The following DYSF variants were observed in gnomAD, a reference collection of about 807,000 sequenced individuals.
DYSF encodes dystrophy-associated fer-1-like 1.
A neutral mutation model predicts 274.9 loss-of-function variants in DYSF; 212 were observed. The observed-to-expected ratio is 0.77, with a 90% CI of 0.69 to 0.86. The LOEUF (loss-of-function observed/expected upper bound fraction) is 0.86, where lower values mean the gene tolerates loss of function less well. Ranked by LOEUF, DYSF falls within the 40% of genes least tolerant of loss-of-function variation. DYSF has a pLI of 0.00. For missense variants in DYSF, 2,666 were observed against 2,783.2 expected (o/e 0.96, Z 0.95); for synonymous variants, 1,091 against 1,078.7 (o/e 1.01, Z -0.22).
At position 71,551,698 on chromosome 2, in the gene DYSF, C is replaced by T. The variant is rs201515915; in HGVS notation, c.1784C>T (p.Ala595Val). The T allele has an allele frequency of 1.8e-4, 285 of 1,609,122 alleles. No individual in the cohort carries two copies. The highest frequency in any genetic ancestry group is 3.9e-4 in the African/African-American group (29 of 74,946). ...GAACAGAAGGTGGAGGACCTTCCTG[C>T]GGATGACATCCTCCGGGTGGAGGTG... ...HSEQKVEDLP[A>V]DDILRVEKYL... Residue 595 changes from alanine (A) to valine (V), a missense_variant, in exon 19 of 56, where the codon GCG becomes GTG. Physicochemically the swap from Ala to Val is moderately conservative, Grantham distance 64. Transcript: ENST00000410020.
chr2:71,670,139 C>G (rs2095094003), intron 51 of DYSF, among the ~76,000 whole-genome samples: 1 of 152,214 alleles, frequency 6.6e-6, no homozygotes, highest in Non-Finnish European at 1.5e-5. Context: ...GCATCCACCC[C>G]TTTTCCACTC....
Position 71,505,091 on chromosome 2 carries a change from G to A in DYSF, c.345+1772G>A, listed in dbSNP as rs1309187843. On this transcript the variant is annotated intron_variant, in intron 4 of 55. Transcript: ENST00000410020. Reference sequence around the variant, plus strand: ...GAGCACAGGCTGGAAATGGAGTTGGGGAGCCTCCTCCCTGTTGCCCAGGAG... The same window carrying A: ...GAGCACAGGCTGGAAATGGAGTTGGAGAGCCTCCTCCCTGTTGCCCAGGAG... Among the ~76,000 whole-genome samples the A allele has an allele frequency of 4.6e-5, 7 of 152,348 alleles. No homozygotes were observed. In the East Asian group the frequency reaches 1.2e-3, roughly 25 times the overall value.
intron 14 of DYSF, 54 bp from the exon 15 acceptor site, chr2:71,534,967 A>T: frequency 6.3e-7 from 1 of 1,588,640 alleles, no homozygotes; most frequent in South Asian, 1.1e-5. Flanking sequence ...GCCCCGGGGG[A>T]GCCCAGAGTC....
intron 51 of DYSF, among the ~76,000 whole-genome samples, chr2:71,672,362 C>A (rs1012079615): frequency 2.6e-5 from 4 of 152,168 alleles, no homozygotes. Flanking sequence ...CCTCTGGGCT[C>A]CCTGGGCCTG....
chr2:71,480,763 A>C (rs2082817363), intron 1 of DYSF, 120 bp from the exon 2 acceptor site: 1 of 886,350 alleles, frequency 1.1e-6, no homozygotes. Flanking sequence ...GAATCTGTTG[A>C]TTTTGTAAGA....
intron 51 of DYSF, 103 bp from the exon 52 acceptor site, chr2:71,674,094 C>G (rs1026918178): frequency 1.0e-6 from 1 of 1,004,142 alleles, no homozygotes; most frequent in East Asian, 2.6e-5. Flanking sequence ...TGGGGACATC[C>G]TACTCCTCTG....
intron 30 of DYSF, among the ~76,000 whole-genome samples, chr2:71,579,965 C>A (rs1463958463): frequency 6.6e-6 from 1 of 152,208 alleles, no homozygotes; most frequent in African/African-American, 2.4e-5. Context: ...CAGCACAGCA[C>A]GAGTCAGTGC....
intron 30 of DYSF, among the ~76,000 whole-genome samples, chr2:71,578,413 A>G (rs1215973074): frequency 6.6e-6 from 1 of 152,102 alleles, no homozygotes; most frequent in South Asian, 2.1e-4. Context: ...GGTGGGGGAA[A>G]TGTGGTCTTT....
chr2:71,551,348 C>T (rs979326891), intron 18 of DYSF, among the ~76,000 whole-genome samples, 192 bp downstream of exon 18: 1 of 152,224 alleles, frequency 6.6e-6, no homozygotes, highest in African/African-American at 2.4e-5. Flanking sequence ...CCATGTTCCT[C>T]GCCTTGAAGC....
At chr2:71,618,805 C>T (rs1157111513) in intron 40 of DYSF, among the ~76,000 whole-genome samples, 1 of 151,496 alleles carries the variant, frequency 6.6e-6, no homozygotes, top group Non-Finnish European at 1.5e-5. Flanking sequence ...CGTGGGGTGC[C>T]AGCAGGAGAC....
In DYSF at chr2:71,568,260, T is replaced by A. The variant is rs766900434; in HGVS notation, c.2786T>A (p.Ile929Asn). Residue 929 changes from isoleucine (I) to asparagine (N), a missense_variant, in exon 26 of 56, where the codon ATC (isoleucine) becomes AAC (asparagine). Ile to Asn is a moderately radical substitution (Grantham distance 149). This residue lies in a region of DYSF where 412 missense variants were observed against 504.0 expected (regional missense o/e 0.82). Coordinates refer to ENST00000410020, the MANE Select transcript of DYSF (RefSeq NM_001130987.2). ...AAGTTTTCTGACGTCACGGGCAAGA[T>A]CAAGCTACCCAAGGACAGCTTCCGC... ...YPKFSDVTGK[I>N]KLPKDSFRPS... is the part of the protein sequence containing the mutation. The A allele has an allele frequency of 3.7e-6, 6 of 1,614,192 alleles. No individual in the cohort carries two copies. In the Admixed American group the frequency reaches 8.3e-5, roughly 22 times the overall value.
intron 13 of DYSF, 75 bp downstream of exon 13, chr2:71,526,421 C>CGCCTTGGGG: frequency 3.7e-6 from 1 of 272,072 alleles, no homozygotes; most frequent in East Asian, 9.7e-5. Flanking sequence ...TGGGCGATGG[C>CGCCTTGGGG]GGGCGGGGTC....
intron 40 of DYSF, among the ~76,000 whole-genome samples, chr2:71,613,732 AG>A (rs966490771): frequency 2.6e-5 from 4 of 152,118 alleles, no homozygotes; most frequent in African/African-American, 9.6e-5. Context: ...AGCAAATGAG[AG>A]AAGGACGACA....
intron 41 of DYSF, among the ~76,000 whole-genome samples, chr2:71,633,293 T>G (rs940634349): frequency 2.6e-5 from 4 of 152,190 alleles, no homozygotes; most frequent in African/African-American, 7.2e-5. Flanking sequence ...CTGGTCTACA[T>G]GTAGGCATGA....
intron 41 of DYSF, among the ~76,000 whole-genome samples, chr2:71,631,083 C>T (rs2094305732): frequency 6.6e-6 from 1 of 152,170 alleles, no homozygotes; most frequent in South Asian, 2.1e-4. Context: ...TATTGCAGCT[C>T]ATGAGTACTG....
chr2:71,573,549 G>A lies in DYSF; in HGVS notation c.3229-649G>A, dbSNP rs541431514. Among the ~76,000 whole-genome samples, 4 of 152,290 alleles carry A rather than the reference G, an allele frequency of 2.6e-5. No homozygotes were observed. The East Asian group carries it at 7.7e-4, about 29-fold the overall frequency. On this transcript the variant is annotated intron_variant, in intron 29 of 55. Coordinates refer to ENST00000410020, the MANE Select transcript of DYSF (RefSeq NM_001130987.2). Reference sequence around the variant, plus strand: ...CAGGGGTGCCTCCATAGCTGAGTTGGGTCTAGCTCCCAGGGGTGAAATTGG... The same window carrying A: ...CAGGGGTGCCTCCATAGCTGAGTTGAGTCTAGCTCCCAGGGGTGAAATTGG...
At chr2:71,642,052 A>G (rs1420246354) in intron 41 of DYSF, among the ~76,000 whole-genome samples, 2 of 152,218 alleles carry the variant, frequency 1.3e-5, no homozygotes, top group Non-Finnish European at 2.9e-5. Flanking sequence ...TTGGAAATTT[A>G]CTTGGTTATT....
intron 41 of DYSF, among the ~76,000 whole-genome samples, chr2:71,634,225 C>T (rs2094358918): frequency 6.6e-6 from 1 of 152,170 alleles, no homozygotes; most frequent in Non-Finnish European, 1.5e-5. Context: ...GGTGACACTT[C>T]AAATATCAAA....
chr2:71,622,142 T>TTGTTTTTTG (rs1373830193), intron 41 of DYSF, among the ~76,000 whole-genome samples: 1 of 149,400 alleles, frequency 6.7e-6, no homozygotes, highest in Non-Finnish European at 1.5e-5. Context: ...TTTTTTTTTT[T>TTGTTTTTTG]TTTTGTTACG....
Sources: gnomAD v4.1 joint callset for allele counts (sites outside exome capture counted in the v4.1 genomes callset) on GRCh38, gnomAD v4.1.1 for gene constraint, gnomAD v4.1.1 regional missense constraint, MANE v1.5 for transcripts, NCBI Gene and HGNC (gene_info 2026-07-23, HGNC 2026-07-21) for gene names.